Variants in ARHGEF18 observed in about 807,000 individuals in gnomAD.
The protein encoded by ARHGEF18 is Rho/Rac guanine nucleotide exchange factor 18.
In ARHGEF18, 93 loss-of-function variants were observed where a neutral mutation model predicts 155.7. That is an observed-to-expected ratio of 0.60 (90% CI 0.50 to 0.71). The LOEUF (loss-of-function observed/expected upper bound fraction) is 0.71. ARHGEF18 is among the 30% of genes least tolerant of loss of function. The pLI, the probability that ARHGEF18 is intolerant of heterozygous loss-of-function variation, is 0.00. For missense variants in ARHGEF18, 1,593 were observed against 1,816.1 expected (o/e 0.88, Z 2.23); for synonymous variants, 742 against 753.1 (o/e 0.99, Z 0.24).
At position 7,463,123 on chromosome 19, in the gene ARHGEF18, C is replaced by G. The variant is rs900706377; in HGVS notation, c.2636-695C>G. ...TGCTGGGATTATAGGCGTGAGCCAC[C>G]GCGCCCTGCCTCAATCTGCTCTTTC... On this transcript the variant is annotated intron_variant, in intron 21 of 28. Transcript: ENST00000668164. This position sits in a 1 kb window ranked among gnomAD's most constrained non-coding sequence, Gnocchi z 5.2. 6.6e-6 allele frequency among the ~76,000 whole-genome samples: 1 copy of G among 152,124 alleles called. No individual in the cohort carries two copies. Among genetic ancestry groups the G allele is most frequent in the East Asian group, 1.9e-4 (1 of 5,186 alleles).
chr19:7,462,836 C>CT lies in ARHGEF18; in HGVS notation c.2635+520dup, dbSNP rs34155241. ...AGTCTGCTCTTTCTTTTTTTCTTTT[C>CT]TTTTTTTTTTTTTTTTTTGAGATGG... On this transcript the variant is annotated intron_variant, in intron 21 of 28. Transcript: ENST00000668164. This position sits in a 1 kb window ranked among gnomAD's most constrained non-coding sequence, Gnocchi z 4.4. Among the ~76,000 whole-genome samples, 550 of 96,472 alleles carry CT rather than the reference C, an allele frequency of 5.7e-3. 4 individuals carry two copies. Among genetic ancestry groups the CT allele is most frequent in the Middle Eastern group, 0.016 (3 of 184 alleles). The allele number at this position is 96,472 out of a possible 152,430, so 63.3% of individuals were successfully genotyped here.
In ARHGEF18 at chr19:7,453,779, A is replaced by G. The variant is rs376630038; in HGVS notation, c.2104+64A>G. ...CTTGGATCAGTGGGCACTGTCTTGGAGTGGTGGGCACTGTCTTAGATTAGT... is the reference window on the plus strand; with the variant it reads ...CTTGGATCAGTGGGCACTGTCTTGGGGTGGTGGGCACTGTCTTAGATTAGT... On this transcript the variant is annotated intron_variant, in intron 17 of 28. Coordinates refer to ENST00000668164, the MANE Select transcript of ARHGEF18 (RefSeq NM_001367823.1). 271 of 1,490,042 alleles carry G rather than the reference A, an allele frequency of 1.8e-4. 1 individual carries two copies. The East Asian group carries it at 4.6e-3, about 25-fold the overall frequency. 92.3% of individuals were successfully genotyped at this position (1,490,042 alleles called of 1,614,324 possible). A position where few individuals can be genotyped will look rare whatever the true frequency, so the allele number is the denominator to read the frequency against.
At chr19:7,448,534 G>A (rs923615249) in intron 15 of ARHGEF18, among the ~76,000 whole-genome samples, 4 of 151,942 alleles carry the variant, frequency 2.6e-5, no homozygotes, top group Admixed American at 1.3e-4. Flanking sequence ...GGTGGTGGGC[G>A]CCTGTAGTCC....
chr19:7,395,109 TCTC>T lies in ARHGEF18; in HGVS notation c.967+11910_967+11912del, dbSNP rs1373761490. Reference sequence around the variant, plus strand: ...CGAGGCGGGATCGCGCATGCGCTGCTCTCCTCGCGCGGCTTCCCGCTTCCGGCT... The same window carrying T: ...CGAGGCGGGATCGCGCATGCGCTGCTCTCGCGCGGCTTCCCGCTTCCGGCT... On this transcript the variant is annotated intron_variant, in intron 10 of 28. Transcript: ENST00000668164. This position sits in a 1 kb window ranked among gnomAD's most constrained non-coding sequence, Gnocchi z 5.0. 3 of 985,360 alleles carry T rather than the reference TCTC, an allele frequency of 3.0e-6. No homozygotes were observed. The highest frequency in any genetic ancestry group is 1.7e-5 in the African/African-American group (1 of 57,246). 61.0% of individuals were successfully genotyped at this position (985,360 alleles called of 1,614,324 possible).
chr19:7,431,890 C>T (rs143044326), intron 10 of ARHGEF18, among the ~76,000 whole-genome samples: 7 of 152,298 alleles, frequency 4.6e-5, no homozygotes, highest in East Asian at 1.9e-4. Flanking sequence ...CCTGTTGCTA[C>T]GAATTACCAC....
chr19:7,374,364 T>A (rs1006884379), intron 3 of ARHGEF18, among the ~76,000 whole-genome samples: 9 of 152,026 alleles, frequency 5.9e-5, no homozygotes, highest in Non-Finnish European at 2.9e-5. Context: ...CGAGCATGCA[T>A]GCACAAGCCC....
chr19:7,467,192 G>T, intron 25 of ARHGEF18, 22 bp from the exon 26 acceptor site: 1 of 1,580,304 alleles, frequency 6.3e-7, no homozygotes, highest in Non-Finnish European at 8.6e-7. Context: ...GCTCTCACTC[G>T]CCTGGCCCTG....
intron 10 of ARHGEF18, among the ~76,000 whole-genome samples, chr19:7,385,695 T>C (rs1418447866): frequency 1.3e-5 from 2 of 151,670 alleles, no homozygotes; most frequent in Non-Finnish European, 2.9e-5. Context: ...AGGCTGGTCT[T>C]AAACTCCTGA....
At chr19:7,413,099 A>G (rs12977838) in intron 10 of ARHGEF18, among the ~76,000 whole-genome samples, 83,882 of 151,634 alleles carry the variant, frequency 0.55, 23,619 homozygotes, top group Middle Eastern at 0.75. Context: ...GTCCCACACC[A>G]TATTTTTGGG....
Position 7,467,400 on chromosome 19 carries a change from G to T in ARHGEF18, c.3196G>T (p.Glu1066Ter), listed in dbSNP as rs767689418. ...LEKLQSQLRH[E>*]QQRWERERQW... Reference sequence around the variant, plus strand: ...GAAGCTGCAGAGCCAGCTGCGGCACGAGCAGCAGCGCTGGGAGCGCGAGCG... The same window carrying T: ...GAAGCTGCAGAGCCAGCTGCGGCACTAGCAGCAGCGCTGGGAGCGCGAGCG... Residue 1066 changes from glutamate to a stop codon, truncating the protein, a stop_gained, in exon 26 of 29, where the codon GAG becomes TAG. Coordinates refer to ENST00000668164, the MANE Select transcript of ARHGEF18 (RefSeq NM_001367823.1). LOFTEE classifies it high-confidence loss of function. 6.5e-7 allele frequency: 1 copy of T among 1,532,770 alleles called. No homozygotes were observed. The highest frequency in any genetic ancestry group is 8.7e-7 in the Non-Finnish European group (1 of 1,145,498). 94.9% of individuals were successfully genotyped at this position (1,532,770 alleles called of 1,614,324 possible). A position where few individuals can be genotyped will look rare whatever the true frequency, so the allele number is the denominator to read the frequency against.
At chr19:7,448,359 AC>A (rs1356130662) in intron 15 of ARHGEF18, among the ~76,000 whole-genome samples, 5 of 152,176 alleles carry the variant, frequency 3.3e-5, no homozygotes, top group African/African-American at 1.2e-4. Flanking sequence ...TACTAAAAAT[AC>A]AAAAAATTAG....
chr19:7,447,266 G>A (rs1002249060), intron 15 of ARHGEF18, 98 bp downstream of exon 15: 31 of 1,179,714 alleles, frequency 2.6e-5, no homozygotes, highest in Non-Finnish European at 2.8e-5. Context: ...TGAGGCGGGC[G>A]GATCACAAGG....
intron 27 of ARHGEF18, among the ~76,000 whole-genome samples, chr19:7,469,392 G>A (rs1166614415): frequency 1.3e-5 from 2 of 152,156 alleles, no homozygotes; most frequent in African/African-American, 4.8e-5. Flanking sequence ...CCTTAGAAAG[G>A]GACACGGGCA....
At chr19:7,379,455 A>G (rs1484141221) in intron 7 of ARHGEF18, among the ~76,000 whole-genome samples, 1 of 152,162 alleles carries the variant, frequency 6.6e-6, no homozygotes. Context: ...GCTACTCAGG[A>G]GGCTGAGGCA....
intron 2 of ARHGEF18, among the ~76,000 whole-genome samples, chr19:7,364,015 G>A (rs897423442): frequency 7.0e-6 from 1 of 142,390 alleles, no homozygotes; most frequent in African/African-American, 2.5e-5. Context: ...AAGGAAGATG[G>A]GTGGATGAAA....
chr19:7,455,896 G>A (rs1046412790), intron 17 of ARHGEF18, among the ~76,000 whole-genome samples: 3 of 152,118 alleles, frequency 2.0e-5, no homozygotes, highest in South Asian at 2.1e-4. Context: ...TCACGAGAAC[G>A]GCATGGAAAA....
chr19:7,461,541 C>T (rs1301680773), intron 20 of ARHGEF18, among the ~76,000 whole-genome samples: 1 of 152,046 alleles, frequency 6.6e-6, no homozygotes, highest in Admixed American at 6.6e-5. Context: ...CAGAGCGAGA[C>T]TCCTTCTCAA....
At chr19:7,375,424 A>AAAAGG (rs1555701433) in intron 3 of ARHGEF18, among the ~76,000 whole-genome samples, 3 of 150,790 alleles carry the variant, frequency 2.0e-5, no homozygotes, top group South Asian at 4.2e-4. Flanking sequence ...AGGAAGGAAG[A>AAAAGG]AAGGAAGGAA....
chr19:7,478,431 T>G, the ARHGEF18 span: 1 of 1,546,176 alleles, frequency 6.5e-7, no homozygotes, highest in East Asian at 2.3e-5. Flanking sequence ...GAGGGTTAGC[T>G]CCACAACGCT....
Sources: allele counts gnomAD v4.1 joint callset (sites outside exome capture counted in the v4.1 genomes callset), GRCh38; gene constraint gnomAD v4.1.1; non-coding constraint Gnocchi (gnomAD v3.1); transcripts MANE v1.5; gene names NCBI Gene and HGNC (gene_info 2026-07-23, HGNC 2026-07-21).